The following GRM7 variants were observed in gnomAD, a reference collection of about 807,000 sequenced individuals.
GRM7 encodes glutamate metabotropic receptor 7.
GRM7 carries 35 observed loss-of-function variants against 84.5 expected under a neutral mutation model. That is an observed-to-expected ratio of 0.41 (90% confidence interval 0.32 to 0.55). GRM7 has a LOEUF of 0.55. Among genes scored for constraint, GRM7 ranks in the 20% least tolerant of loss-of-function variants. GRM7 has a pLI of 0.19. For synonymous variants in GRM7, 487 were observed against 455.1 expected (o/e 1.07, Z -0.89); for missense variants, 1,003 against 1,194.6 (o/e 0.84, Z 2.36).
chr3:7,546,839 T>A (rs931779242), intron 7 of GRM7, among the ~76,000 whole-genome samples: 7 of 152,198 alleles, frequency 4.6e-5, no homozygotes, highest in Admixed American at 3.9e-4. Context: ...CAAAACCAAA[T>A]AATTTGTAAT....
chr3:7,425,685 T>A (rs974680492), intron 5 of GRM7, among the ~76,000 whole-genome samples: 2 of 152,202 alleles, frequency 1.3e-5, no homozygotes, highest in South Asian at 4.1e-4. Flanking sequence ...TGCTATTGCT[T>A]TTTTATTAGA....
In GRM7 at chr3:7,727,789, CG is replaced by C. The variant is rs549706777; in HGVS notation, c.2699-12567del. 1.8e-4 allele frequency among the ~76,000 whole-genome samples: 28 copies of C among 152,224 alleles called. 2 individuals carry two copies. In the South Asian group the frequency reaches 5.4e-3, roughly 29 times the overall value. ...TAGTAGATATTTGTTTTATATTGGT[CG>C]AGCTTTGTCTCACTTCTCCTATCTA... On this transcript the variant is annotated intron_variant, in intron 9 of 9. Transcript: ENST00000357716.
chr3:6,921,138 G>T (rs998442480), intron 1 of GRM7, among the ~76,000 whole-genome samples: 6 of 152,142 alleles, frequency 3.9e-5, no homozygotes, highest in African/African-American at 1.4e-4. Flanking sequence ...CCCCACTTTG[G>T]CTTATCTGTG....
rs761101943 is a variant in GRM7, at chr3:7,578,777, C to G, written c.1871C>G (p.Ser624Cys). 1 of 1,614,012 alleles carries G rather than the reference C, an allele frequency of 6.2e-7. No homozygotes were observed. Among genetic ancestry groups the G allele is most frequent in the Non-Finnish European group, 8.5e-7 (1 of 1,179,892 alleles). ...AATGACACGCCCATTGTCCGGGCAT[C>G]TGGGCGGGAACTCAGCTATGTTCTT... The part of the protein sequence containing the change: ...RYNDTPIVRA[S>C]GRELSYVLLT... Residue 624 changes from serine to cysteine, a missense_variant, in exon 8 of 10, where the codon TCT becomes TGT. Around this residue, in one of 2 missense-constraint regions of GRM7, gnomAD observed 910 missense variants for 1,126.0 expected, o/e 0.81. Transcript: ENST00000357716.
chr3:7,600,701 T>C (rs2125070184), intron 8 of GRM7, among the ~76,000 whole-genome samples: 1 of 152,306 alleles, frequency 6.6e-6, no homozygotes, highest in African/African-American at 2.4e-5. Flanking sequence ...GCCTTATAGT[T>C]TGCCCATATC....
chr3:7,091,422 TA>T (rs1170565386), intron 1 of GRM7, among the ~76,000 whole-genome samples: 1 of 152,086 alleles, frequency 6.6e-6, no homozygotes, highest in Non-Finnish European at 1.5e-5. Context: ...ACACAACACA[TA>T]AAATACCTTG....
intron 1 of GRM7, among the ~76,000 whole-genome samples, chr3:6,940,151 G>A (rs750108940): frequency 6.6e-6 from 1 of 152,070 alleles, no homozygotes; most frequent in Non-Finnish European, 1.5e-5. Flanking sequence ...GAATGCAGTG[G>A]CACAATCGTG....
intron 8 of GRM7, among the ~76,000 whole-genome samples, chr3:7,605,266 T>C (rs1994263): frequency 0.045 from 6,853 of 152,162 alleles, 214 homozygotes; most frequent in Middle Eastern, 0.071. Flanking sequence ...CAAAAGGCTG[T>C]GGTTATTTTA....
chr3:7,687,922 C>T (rs980658937), intron 9 of GRM7, among the ~76,000 whole-genome samples: 3 of 152,074 alleles, frequency 2.0e-5, no homozygotes. Flanking sequence ...TTTTCCCTAT[C>T]AACATGATCT....
chr3:7,543,750 A>C (rs945012736), intron 7 of GRM7, among the ~76,000 whole-genome samples: 3 of 152,208 alleles, frequency 2.0e-5, no homozygotes, highest in African/African-American at 7.2e-5. Flanking sequence ...CAAAGCAATA[A>C]ATCAACATGA....
chr3:7,527,037 G>T (rs779960101), intron 7 of GRM7, among the ~76,000 whole-genome samples: 1 of 151,644 alleles, frequency 6.6e-6, no homozygotes, highest in Non-Finnish European at 1.5e-5. Flanking sequence ...AAAAATTTTA[G>T]AATTCTTTTT....
At chr3:7,084,267 G>T (rs1430001137) in intron 1 of GRM7, among the ~76,000 whole-genome samples, 1 of 152,080 alleles carries the variant, frequency 6.6e-6, no homozygotes, top group Non-Finnish European at 1.5e-5. Context: ...TCTCAAGCAT[G>T]GTTCCTGGGG....
chr3:6,880,456 G>A (rs952145366), intron 1 of GRM7, among the ~76,000 whole-genome samples: 6 of 152,128 alleles, frequency 3.9e-5, no homozygotes, highest in Non-Finnish European at 8.8e-5. Flanking sequence ...AGATGTCCTG[G>A]CGGGCTTTAG....
intron 7 of GRM7, among the ~76,000 whole-genome samples, chr3:7,488,409 T>A (rs2124946597): frequency 6.6e-6 from 1 of 152,228 alleles, no homozygotes. Flanking sequence ...TGTGACAGTG[T>A]TGGGAGGTGG....
At chr3:7,014,076 C>T (rs1695479253) in intron 1 of GRM7, among the ~76,000 whole-genome samples, 2 of 152,112 alleles carry the variant, frequency 1.3e-5, no homozygotes, top group South Asian at 2.1e-4. Flanking sequence ...GCCGTCAATG[C>T]TTTTGTATAC....
At chr3:7,333,444 C>T (rs1334484122) in intron 4 of GRM7, among the ~76,000 whole-genome samples, 2 of 152,200 alleles carry the variant, frequency 1.3e-5, no homozygotes, top group Non-Finnish European at 2.9e-5. Context: ...GAGGAAAGCA[C>T]CACATCGAGG....
At chr3:7,258,878 T>C (rs572817380) in intron 2 of GRM7, among the ~76,000 whole-genome samples, 6 of 152,210 alleles carry the variant, frequency 3.9e-5, no homozygotes, top group Admixed American at 6.5e-5. Flanking sequence ...ACACAAGTGC[T>C]GAAGGAAAGG....
intron 7 of GRM7, among the ~76,000 whole-genome samples, chr3:7,470,247 G>A (rs896259265): frequency 6.6e-6 from 1 of 152,112 alleles, no homozygotes; most frequent in African/African-American, 2.4e-5. Flanking sequence ...TTTATTGATA[G>A]TCTCTGGAAA....
chr3:6,935,820 C>G (rs1192952140), intron 1 of GRM7, among the ~76,000 whole-genome samples: 1 of 151,866 alleles, frequency 6.6e-6, no homozygotes, highest in East Asian at 1.9e-4. Flanking sequence ...CTCAGCCTCC[C>G]AAGTAGCTTG....
Sources: allele counts gnomAD v4.1 joint callset (sites outside exome capture counted in the v4.1 genomes callset), GRCh38; gene constraint gnomAD v4.1.1; regional missense constraint gnomAD v4.1.1; transcripts MANE v1.5; gene names NCBI Gene and HGNC (gene_info 2026-07-23, HGNC 2026-07-21).